KASH5: variants seen among roughly 807,000 people sequenced by gnomAD.
The protein encoded by KASH5 is KASH domain containing 5.
In KASH5, 72 loss-of-function variants were observed where a neutral mutation model predicts 84.2. That is an observed-to-expected ratio of 0.85 (90% CI 0.71 to 1.04). The LOEUF (loss-of-function observed/expected upper bound fraction) is 1.04, where lower values mean the gene tolerates loss of function less well. Among genes scored for constraint, KASH5 ranks in the 50% least tolerant of loss-of-function variants. The pLI, the probability that KASH5 is intolerant of heterozygous loss-of-function variation, is 0.00. For missense variants in KASH5, 650 were observed against 701.0 expected (o/e 0.93, Z 0.82); for synonymous variants, 260 against 279.1 (o/e 0.93, Z 0.68).
intron 9 of KASH5, among the ~76,000 whole-genome samples, chr19:49,405,030 G>A (rs1045027844): frequency 6.6e-6 from 1 of 152,154 alleles, no homozygotes; most frequent in African/African-American, 2.4e-5. Context: ...AGAGTACCAG[G>A]GTCGGGGTGG....
At chr19:49,407,578 G>A (rs1051492284) in intron 11 of KASH5, 34 bp from the exon 12 acceptor site, 1 of 1,561,978 alleles carries the variant, frequency 6.4e-7, no homozygotes, top group South Asian at 1.2e-5. Flanking sequence ...TTGGGGAACT[G>A]GTCCCAGTCT....
intron 14 of KASH5, among the ~76,000 whole-genome samples, 195 bp from the exon 15 acceptor site, chr19:49,409,558 G>C (rs1045827072): frequency 1.3e-5 from 2 of 151,824 alleles, no homozygotes; most frequent in African/African-American, 4.8e-5. Flanking sequence ...ACTTCATCTC[G>C]AACCTAGACC....
chr19:49,416,920 C>A lies in KASH5; in HGVS notation c.1375-95C>A. ...CACTCACTTATCTCCTGAGCTCCAC[C>A]ACTTTCTATGTGGCCACTTGTGTCC... On this transcript the variant is annotated intron_variant, in intron 17 of 19. Coordinates refer to ENST00000447857, the MANE Select transcript of KASH5 (RefSeq NM_144688.5). This position sits in a 1 kb window ranked among gnomAD's most constrained non-coding sequence, Gnocchi z 5.4. The A allele has an allele frequency of 2.4e-6, 3 of 1,257,954 alleles. No homozygotes were observed. The highest frequency in any genetic ancestry group is 3.4e-6 in the Non-Finnish European group (3 of 883,700). The allele number at this position is 1,257,954 out of a possible 1,614,324, so 77.9% of individuals were successfully genotyped here.
At chr19:49,390,280 A>G (rs10413687) in intron 1 of KASH5, 76,717 of 152,348 alleles carry the variant, frequency 0.5, 19,419 homozygotes, top group South Asian at 0.63. Flanking sequence ...AGACCTGGGC[A>G]TGGGAGCGGT....
At position 49,409,733 on chromosome 19, in the gene KASH5, G is replaced by A. The variant is rs112417360; in HGVS notation, c.1147-20G>A. 3,264 of 1,613,504 alleles carry A rather than the reference G, an allele frequency of 2.0e-3. 63 individuals are homozygous for A. The African/African-American group carries it at 0.038, about 19-fold the overall frequency. On this transcript the variant is annotated intron_variant, in intron 14 of 19. Coordinates refer to ENST00000447857, the MANE Select transcript of KASH5 (RefSeq NM_144688.5). ...CCTTAATATGGCTCTCCCTGACCTC[G>A]GAAACAACTTCTGTCCCAGAAACAG... is the stretch of plus-strand genomic sequence containing the variant.
chr19:49,417,480 G>T lies in KASH5; in HGVS notation c.1659G>T (p.Gln553His), dbSNP rs868698102. 5.2e-6 allele frequency: 8 copies of T among 1,550,656 alleles called. No individual in the cohort carries two copies. The African/African-American group carries it at 8.2e-5, about 16-fold the overall frequency. Reference protein sequence around the residue: ...PSPPPTWPHLQLCYLQPPPV With the variant: ...PSPPPTWPHLHLCYLQPPPV ...CACCTCCCACCTGGCCCCACCTCCA[G>T]CTCTGCTACCTCCAGCCCCCTCCAG... The change falls in exon 20 of 20, where the codon CAG becomes CAT. Residue 553 changes from glutamine (Q) to histidine (H), a missense_variant. Transcript: ENST00000447857. The surrounding 1 kb of genome is among the most constrained non-coding windows in gnomAD (Gnocchi z 5.2).
rs867372900 is a variant in KASH5 at position 49,405,471 on chromosome 19, A to G, written c.799-1415A>G. On this transcript the variant is annotated intron_variant, in intron 9 of 19. Coordinates refer to ENST00000447857, the MANE Select transcript of KASH5 (RefSeq NM_144688.5). ...AAACTCCTCTCAAAAAAAAAAAAAA[A>G]AAAGAAAGAAAAAGGAGCACAAACT... 9.0e-3 allele frequency among the ~76,000 whole-genome samples: 1,356 copies of G among 150,898 alleles called. 11 individuals carry two copies. The highest frequency in any genetic ancestry group is 0.02 in the South Asian group (94 of 4,800).
rs937792929 is a variant in KASH5 at position 49,412,517 on chromosome 19, A to G, written c.1270-451A>G. On this transcript the variant is annotated intron_variant, in intron 15 of 19. Coordinates refer to ENST00000447857, the MANE Select transcript of KASH5 (RefSeq NM_144688.5). The surrounding 1 kb of genome is among the most constrained non-coding windows in gnomAD (Gnocchi z 4.6). ...GTTGCTGAGGTCAAGGGCAATGCCAATATGTCTCTGGAGAAACCGAGAGGT... is the reference window on the plus strand; with the variant it reads ...GTTGCTGAGGTCAAGGGCAATGCCAGTATGTCTCTGGAGAAACCGAGAGGT... 3.9e-5 allele frequency among the ~76,000 whole-genome samples: 6 copies of G among 152,170 alleles called. No homozygotes were observed. Among genetic ancestry groups the G allele is most frequent in the East Asian group, 1.9e-4 (1 of 5,188 alleles).
rs1266132543 is a variant in KASH5 at position 49,414,259 on chromosome 19, A to G, written c.1329-692A>G. Among the ~76,000 whole-genome samples the G allele has an allele frequency of 1.3e-5, 2 of 152,070 alleles. No homozygotes were observed. Among genetic ancestry groups the G allele is most frequent in the Admixed American group, 1.3e-4 (2 of 15,286 alleles). ...GTCTACTCCCGGAAGATGGGAATGA[A>G]TGAGGGGCATGCTAACCCCTCAGGG... On this transcript the variant is annotated intron_variant, in intron 16 of 19. Coordinates refer to ENST00000447857, the MANE Select transcript of KASH5 (RefSeq NM_144688.5). This position sits in a 1 kb window ranked among gnomAD's most constrained non-coding sequence, Gnocchi z 4.5.
At chr19:49,396,419 T>C (rs1370481660) in intron 5 of KASH5, among the ~76,000 whole-genome samples, 5 of 152,104 alleles carry the variant, frequency 3.3e-5, no homozygotes, top group Non-Finnish European at 5.9e-5. Context: ...CACGCCCAGC[T>C]AATTTTGTAT....
intron 10 of KASH5, 93 bp from the exon 11 acceptor site, chr19:49,407,147 G>A: frequency 1.4e-6 from 2 of 1,451,980 alleles, no homozygotes; most frequent in Middle Eastern, 1.9e-4. Context: ...CTGAATACGT[G>A]GGGGTGCGAG....
chr19:49,412,992 C>T lies in KASH5; in HGVS notation c.1294C>T (p.His432Tyr). ...GQRNFQGEPA[H>Y]PEEGRKEPSM... is the part of the protein sequence containing the mutation. ...GAGAAACTTCCAGGGAGAGCCAGCGCACCCTGAAGAAGGAAGGAAGGAGCC... is the reference window on the plus strand; with the variant it reads ...GAGAAACTTCCAGGGAGAGCCAGCGTACCCTGAAGAAGGAAGGAAGGAGCC... Residue 432 changes from histidine to tyrosine, a missense_variant, in exon 16 of 20, where the codon CAC becomes TAC. Transcript: ENST00000447857. This position sits in a 1 kb window ranked among gnomAD's most constrained non-coding sequence, Gnocchi z 4.6. The T allele has an allele frequency of 3.1e-6, 5 of 1,613,564 alleles. No homozygotes were observed. The highest frequency in any genetic ancestry group is 4.2e-6 in the Non-Finnish European group (5 of 1,179,838).
chr19:49,415,336 G>A (rs1010923611), intron 17 of KASH5: 8 of 381,346 alleles, frequency 2.1e-5, no homozygotes, highest in Non-Finnish European at 3.9e-5. Flanking sequence ...CTCGGGAGAG[G>A]TTGGGCCGGC....
In KASH5 at chr19:49,399,066, A is replaced by C; in HGVS notation, c.671A>C (p.Glu224Ala). 1 of 1,551,604 alleles carries C rather than the reference A, an allele frequency of 6.4e-7. No individual in the cohort carries two copies. Residue 224 changes from glutamate to alanine, a missense_variant, in exon 8 of 20, where the codon GAG (glutamate) becomes GCG (alanine). By Grantham distance (107) the Glu-to-Ala change is moderately radical. Coordinates refer to ENST00000447857, the MANE Select transcript of KASH5 (RefSeq NM_144688.5). This position sits in a 1 kb window ranked among gnomAD's most constrained non-coding sequence, Gnocchi z 4.4. Reference sequence around the variant, plus strand: ...CAGTTTGCCAAGGCCATGGATGAGGAGCTGGAGGACCTGAAGACTCTGGCC... The same window carrying C: ...CAGTTTGCCAAGGCCATGGATGAGGCGCTGGAGGACCTGAAGACTCTGGCC... ...ALQFAKAMDEELEDLKTLARS... is the reference protein window; with the variant it reads ...ALQFAKAMDEALEDLKTLARS...
Position 49,409,798 on chromosome 19 carries a change from G to A in KASH5, c.1192G>A (p.Val398Met), listed in dbSNP as rs746227117. 3.1e-6 allele frequency: 5 copies of A among 1,613,998 alleles called. No individual in the cohort carries two copies. The highest frequency in any genetic ancestry group is 4.2e-6 in the Non-Finnish European group (5 of 1,179,862). The part of the protein sequence containing the change: ...TADLSNPLCG[V>M]WQWEEVIHET... ...TGATCTCTCCAACCCTCTGTGTGGG[G>A]TGTGGCAGTGGGAGGAAGTCATCCA... The change falls in exon 15 of 20, where the codon GTG becomes ATG. Residue 398 changes from valine (V) to methionine (M), a missense_variant. Val to Met is a conservative substitution (Grantham distance 21). Transcript: ENST00000447857.
rs1974284469 is a variant in KASH5 at position 49,399,208 on chromosome 19, G to A, written c.747+66G>A. 1.5e-6 allele frequency: 2 copies of A among 1,376,404 alleles called. No individual in the cohort carries two copies. The highest frequency in any genetic ancestry group is 2.3e-5 in the Admixed American group (1 of 42,898). The allele number at this position is 1,376,404 out of a possible 1,614,324, so 85.3% of individuals were successfully genotyped here. A position where few individuals can be genotyped will look rare whatever the true frequency, so the allele number is the denominator to read the frequency against. ...TTTGTTTCCTGGAGTCAGGGCGGCA[G>A]AGTGTGACTATGGAGTAGGAAGGGG... On this transcript the variant is annotated intron_variant, in intron 8 of 19. Transcript: ENST00000447857. This position sits in a 1 kb window ranked among gnomAD's most constrained non-coding sequence, Gnocchi z 4.4.
intron 9 of KASH5, among the ~76,000 whole-genome samples, chr19:49,405,489 C>T (rs1367017530): frequency 6.0e-5 from 9 of 149,440 alleles, no homozygotes; most frequent in Non-Finnish European, 1.2e-4. Context: ...GAAAAAGGAG[C>T]ACAAACTTTC....
At chr19:49,407,554 C>T (rs1974568146) in intron 11 of KASH5, 58 bp from the exon 12 acceptor site, 2 of 1,518,446 alleles carry the variant, frequency 1.3e-6, no homozygotes, top group Non-Finnish European at 1.8e-6. Flanking sequence ...CCGCCACCAC[C>T]ACCCCCAGTG....
Position 49,388,692 on chromosome 19 carries a change from C to CA in KASH5, c.-96+382dup, listed in dbSNP as rs947198504. On this transcript the variant is annotated intron_variant, in intron 1 of 19. Coordinates refer to ENST00000447857, the MANE Select transcript of KASH5 (RefSeq NM_144688.5). The stretch of plus-strand genomic sequence containing the variant: ...GGGTGACAAGAGTGAGACTCCGTCT[C>CA]AAAAAAAAAAAAAAAAATCCTGACC... 6.7e-3 allele frequency among the ~76,000 whole-genome samples: 593 copies of CA among 88,124 alleles called. 4 individuals carry two copies. Among genetic ancestry groups the CA allele is most frequent in the East Asian group, 0.022 (67 of 3,062 alleles). The allele number at this position is 88,124 out of a possible 152,430, so 57.8% of individuals were successfully genotyped here. A position where few individuals can be genotyped will look rare whatever the true frequency, so the allele number is the denominator to read the frequency against.
Sources: gnomAD v4.1 joint callset for allele counts (sites outside exome capture counted in the v4.1 genomes callset) on GRCh38, gnomAD v4.1.1 for gene constraint, Gnocchi (gnomAD v3.1) non-coding constraint, MANE v1.5 for transcripts, NCBI Gene and HGNC (gene_info 2026-07-23, HGNC 2026-07-21) for gene names.